TRIO: variants seen among roughly 807,000 people sequenced by gnomAD.
The protein encoded by TRIO is trio Rho guanine nucleotide exchange factor.
A neutral mutation model predicts 351.9 loss-of-function variants in TRIO; 58 were observed. The ratio of observed to expected loss-of-function variants is 0.16; its 90% CI spans 0.13 to 0.21. TRIO has a LOEUF of 0.21. TRIO is among the 10% of genes least tolerant of loss of function. TRIO has a pLI of 1.00. For missense variants in TRIO, 3,201 were observed against 4,027.8 expected (o/e 0.79, Z 5.56); for synonymous variants, 1,758 against 1,595.7 (o/e 1.10, Z -2.42).
chr5:14,408,907 C>T (rs1748946598), intron 33 of TRIO, among the ~76,000 whole-genome samples: 1 of 151,698 alleles, frequency 6.6e-6, no homozygotes, highest in African/African-American at 2.4e-5. Flanking sequence ...AATGAAATTG[C>T]TAAAGAGCTA....
At chr5:14,459,522 C>T (rs1421690705) in intron 34 of TRIO, among the ~76,000 whole-genome samples, 1 of 152,194 alleles carries the variant, frequency 6.6e-6, no homozygotes, top group East Asian at 1.9e-4. Context: ...GTACAGTAGA[C>T]GTCACACAAG....
rs569528453 is a variant in TRIO, at chr5:14,471,655, T to A, written c.5912+189T>A. Among the ~76,000 whole-genome samples, 26 of 152,328 alleles carry A rather than the reference T, an allele frequency of 1.7e-4. 1 individual carries two copies. The South Asian group carries it at 5.4e-3, about 32-fold the overall frequency. ...GGCACAGTATTCCATAGCTGCAGTT[T>A]CTTGTTTTATTTGTATATGATACTT... On this transcript the variant is annotated intron_variant, in intron 38 of 56. Coordinates refer to ENST00000344204, the MANE Select transcript of TRIO (RefSeq NM_007118.4).
At chr5:14,292,114 C>T (rs1736967552) in intron 5 of TRIO, among the ~76,000 whole-genome samples, 1 of 152,148 alleles carries the variant, frequency 6.6e-6, no homozygotes, top group South Asian at 2.1e-4. Flanking sequence ...TATTGGAGCT[C>T]ATTGAATTTT....
intron 1 of TRIO, among the ~76,000 whole-genome samples, chr5:14,215,819 A>G (rs1792181515): frequency 6.6e-6 from 1 of 152,226 alleles, no homozygotes; most frequent in African/African-American, 2.4e-5. Context: ...GTTCTTCTAA[A>G]TAGACAACTG....
chr5:14,340,035 TTGTC>T (rs1010178653), intron 11 of TRIO, among the ~76,000 whole-genome samples: 44 of 152,304 alleles, frequency 2.9e-4, no homozygotes, highest in East Asian at 5.8e-4. Flanking sequence ...AAGATACACA[TTGTC>T]TGAGTCTGTT....
Position 14,479,391 on chromosome 5 carries a change from T to C in TRIO, c.6243+41T>C, listed in dbSNP as rs755181833. Reference sequence around the variant, plus strand: ...CAAACAGAAAGTATTTCTGAATCTTTTGTTCCAACTTATTTCTAAAAATGA... The same window carrying C: ...CAAACAGAAAGTATTTCTGAATCTTCTGTTCCAACTTATTTCTAAAAATGA... On this transcript the variant is annotated intron_variant, in intron 42 of 56. Transcript: ENST00000344204. The C allele has an allele frequency of 5.3e-6, 8 of 1,521,082 alleles. No individual in the cohort carries two copies. The East Asian group carries it at 9.1e-5, about 17-fold the overall frequency. The allele number at this position is 1,521,082 out of a possible 1,614,324, so 94.2% of individuals were successfully genotyped here. A position where few individuals can be genotyped will look rare whatever the true frequency, so the allele number is the denominator to read the frequency against.
chr5:14,253,208 A>C (rs1230916906), intron 1 of TRIO, among the ~76,000 whole-genome samples: 1 of 152,114 alleles, frequency 6.6e-6, no homozygotes, highest in Admixed American at 6.5e-5. Flanking sequence ...AAAATAGAAA[A>C]ATCTTTTAAG....
At chr5:14,178,645 C>T (rs1437200638) in intron 1 of TRIO, among the ~76,000 whole-genome samples, 2 of 152,150 alleles carry the variant, frequency 1.3e-5, no homozygotes, top group Non-Finnish European at 2.9e-5. Flanking sequence ...TACTGACTGA[C>T]CATAGTTTCA....
intron 11 of TRIO, among the ~76,000 whole-genome samples, chr5:14,338,466 C>T (rs578093119): frequency 6.6e-6 from 1 of 152,330 alleles, no homozygotes; most frequent in East Asian, 1.9e-4. Flanking sequence ...TCTAGAGCTC[C>T]CTCTACATGC....
intron 11 of TRIO, among the ~76,000 whole-genome samples, chr5:14,357,016 G>C (rs759419855): frequency 1.3e-5 from 2 of 152,218 alleles, no homozygotes; most frequent in Admixed American, 1.3e-4. Flanking sequence ...AGAGGCTCAC[G>C]GTGAAGTGGG....
In TRIO at chr5:14,336,433, A is replaced by C. The variant is rs1000837207; in HGVS notation, c.1855-103A>C. ...TTCTGTTTGATTCATGTAAGTGATC[A>C]AAAATATCACAAATTGACTGTGTTG... On this transcript the variant is annotated intron_variant, in intron 10 of 56. Transcript: ENST00000344204. 2.4e-6 allele frequency: 3 copies of C among 1,248,674 alleles called. No homozygotes were observed. In the African/African-American group the frequency reaches 4.5e-5, roughly 19 times the overall value. 77.3% of individuals were successfully genotyped at this position (1,248,674 alleles called of 1,614,324 possible). A position where few individuals can be genotyped will look rare whatever the true frequency, so the allele number is the denominator to read the frequency against.
chr5:14,467,752 G>GC (rs1754371159), intron 37 of TRIO, among the ~76,000 whole-genome samples: 1 of 152,124 alleles, frequency 6.6e-6, no homozygotes, highest in African/African-American at 2.4e-5. Flanking sequence ...GGTTGAGGCT[G>GC]CAGTGAGCTG....
rs1054425572 is a variant in TRIO, at chr5:14,497,381, A to G, written c.8019+364A>G. On this transcript the variant is annotated intron_variant, in intron 50 of 56. Transcript: ENST00000344204. The surrounding 1 kb of genome is among the most constrained non-coding windows in gnomAD (Gnocchi z 4.4). ...TGTTCCTGCCTTAAAGCCAAGGGGA[A>G]GTGGCTAGATGTGGGGGTGCATATG... Among the ~76,000 whole-genome samples the G allele has an allele frequency of 6.6e-6, 1 of 152,208 alleles. No individual in the cohort carries two copies. The highest frequency in any genetic ancestry group is 2.4e-5 in the African/African-American group (1 of 41,452).
intron 33 of TRIO, among the ~76,000 whole-genome samples, chr5:14,414,029 G>A (rs897951304): frequency 2.0e-5 from 3 of 152,208 alleles, no homozygotes; most frequent in African/African-American, 7.2e-5. Flanking sequence ...CTCAATAAAA[G>A]ATTGCTTTGG....
chr5:14,479,801 CT>C (rs35966279), intron 42 of TRIO, 117 bp from the exon 43 acceptor site: 6 of 877,506 alleles, frequency 6.8e-6, no homozygotes, highest in South Asian at 1.8e-5. Flanking sequence ...TAGTCTAGTG[CT>C]TTTTTTCCTC....
chr5:14,380,379 C>A (rs1260594113), intron 20 of TRIO, among the ~76,000 whole-genome samples: 2 of 152,058 alleles, frequency 1.3e-5, no homozygotes, highest in Admixed American at 1.3e-4. Flanking sequence ...TGCACCAGGT[C>A]CAGGAGGCGC....
chr5:14,485,595 A>G (rs1444130273), intron 47 of TRIO, among the ~76,000 whole-genome samples: 1 of 152,188 alleles, frequency 6.6e-6, no homozygotes, highest in Non-Finnish European at 1.5e-5. Flanking sequence ...ACGAGGGCCC[A>G]GTCCTAGGAA....
intron 33 of TRIO, among the ~76,000 whole-genome samples, chr5:14,416,555 C>G (rs1458792168): frequency 6.6e-6 from 1 of 152,104 alleles, no homozygotes; most frequent in Non-Finnish European, 1.5e-5. Flanking sequence ...TTCTTAAAAG[C>G]CTTTAAAAAG....
chr5:14,425,777 G>C (rs1750590673), intron 34 of TRIO, among the ~76,000 whole-genome samples: 1 of 152,210 alleles, frequency 6.6e-6, no homozygotes, highest in East Asian at 1.9e-4. Flanking sequence ...CTTCCGCCAT[G>C]TGAGGGCACA....
Sources: gnomAD v4.1 joint callset for allele counts (sites outside exome capture counted in the v4.1 genomes callset) on GRCh38, gnomAD v4.1.1 for gene constraint, Gnocchi (gnomAD v3.1) non-coding constraint, MANE v1.5 for transcripts, NCBI Gene and HGNC (gene_info 2026-07-23, HGNC 2026-07-21) for gene names.